Variants in RIMS2 observed in about 807,000 individuals in gnomAD.
RIMS2 encodes the protein regulating synaptic membrane exocytosis 2, also known as regulating synaptic membrane exocytosis protein 2.
In RIMS2, 59 loss-of-function variants were observed where a neutral mutation model predicts 174.4. The ratio of observed to expected loss-of-function variants is 0.34; its 90% CI spans 0.27 to 0.42. The LOEUF is 0.42. Among genes scored for constraint, RIMS2 ranks in the 10% least tolerant of loss-of-function variants. The pLI is 1.00. For synonymous variants in RIMS2, 606 were observed against 572.5 expected, an observed-to-expected ratio of 1.06 and a Z score of -0.84; for missense variants, 1,620 against 1,666.3, an observed-to-expected ratio of 0.97 and a Z score of 0.48.
chr8:103,747,508 A>C (rs761601755), intron 2 of RIMS2, among the ~76,000 whole-genome samples: 10 of 152,102 alleles, frequency 6.6e-5, no homozygotes, highest in Non-Finnish European at 1.2e-4. Context: ...TTGTTGAGAT[A>C]CATTAGTGGA....
rs547007373 is a variant in RIMS2 at position 104,061,744 on chromosome 8, A to C, written c.3334+47129A>C. Among the ~76,000 whole-genome samples the C allele has an allele frequency of 3.3e-5, 5 of 151,938 alleles. No homozygotes were observed. The South Asian group carries it at 1.0e-3, about 32-fold the overall frequency. On this transcript the variant is annotated intron_variant, in intron 19 of 23. Transcript: ENST00000504942. ...TTATAGTATATGAACACATATGTACAACATCCTCATCATTTTTTATGGATG... is the reference window on the plus strand; with the variant it reads ...TTATAGTATATGAACACATATGTACCACATCCTCATCATTTTTTATGGATG...
intron 20 of RIMS2, among the ~76,000 whole-genome samples, chr8:104,247,108 G>A (rs973672185): frequency 2.0e-5 from 3 of 152,148 alleles, no homozygotes; most frequent in African/African-American, 4.8e-5. Context: ...TGTAGCATTA[G>A]TGAGGTCAGA....
chr8:104,013,636 A>G lies in RIMS2; in HGVS notation c.3224+15A>G. On this transcript the variant is annotated intron_variant, in intron 18 of 23. Coordinates refer to ENST00000504942, the Ensembl canonical transcript of RIMS2. ...GCCTTATCGAGGTGAAAGATAAATC[A>G]ATCAGACTAATTTCCCCTTTGCCCC... is the stretch of plus-strand genomic sequence containing the variant. 1 of 1,609,106 alleles carries G rather than the reference A, an allele frequency of 6.2e-7. No individual in the cohort carries two copies. The highest frequency in any genetic ancestry group is 8.5e-7 in the Non-Finnish European group (1 of 1,176,088).
At chr8:104,227,468 A>T (rs2099195609) in intron 19 of RIMS2, among the ~76,000 whole-genome samples, 1 of 152,144 alleles carries the variant, frequency 6.6e-6, no homozygotes, top group African/African-American at 2.4e-5. Context: ...GTTTTCAAAC[A>T]TTAGAGACAA....
chr8:103,853,078 T>G (rs2099008154), intron 3 of RIMS2, among the ~76,000 whole-genome samples: 1 of 151,854 alleles, frequency 6.6e-6, no homozygotes, highest in Admixed American at 6.6e-5. Context: ...CTGGGGTTTT[T>G]TTTGTTTGTT....
chr8:103,979,825 C>A (rs755897596), intron 16 of RIMS2, among the ~76,000 whole-genome samples: 8 of 152,106 alleles, frequency 5.3e-5, no homozygotes, highest in African/African-American at 7.2e-5. Context: ...TCAGTGTTGC[C>A]CTGTCATGGC....
intron 3 of RIMS2, among the ~76,000 whole-genome samples, chr8:103,807,401 A>G (rs974999936): frequency 2.0e-5 from 3 of 152,178 alleles, no homozygotes; most frequent in Non-Finnish European, 4.4e-5. Context: ...ATCTCAATAG[A>G]ACATTAGTGC....
At chr8:104,073,648 T>A (rs1179890084) in intron 19 of RIMS2, among the ~76,000 whole-genome samples, 1 of 152,208 alleles carries the variant, frequency 6.6e-6, no homozygotes, top group African/African-American at 2.4e-5. Context: ...TATGATAATC[T>A]ATTTAACCCA....
chr8:104,016,233 G>A (rs2095899667), intron 19 of RIMS2, among the ~76,000 whole-genome samples: 1 of 151,946 alleles, frequency 6.6e-6, no homozygotes. Flanking sequence ...ATGAATTCAT[G>A]AAATATTTAT....
chr8:103,611,258 G>C (rs2134196828), intron 1 of RIMS2, among the ~76,000 whole-genome samples: 1 of 151,914 alleles, frequency 6.6e-6, no homozygotes, highest in East Asian at 1.9e-4. Context: ...TTCTCTTTAT[G>C]TCTTATTATA....
At position 104,236,229 on chromosome 8, in the gene RIMS2, A is replaced by T. The variant is rs758934065; in HGVS notation, c.3335-8687A>T. 2.6e-5 allele frequency among the ~76,000 whole-genome samples: 4 copies of T among 152,034 alleles called. No homozygotes were observed. In the East Asian group the frequency reaches 7.7e-4, roughly 29 times the overall value. On this transcript the variant is annotated intron_variant, in intron 19 of 23. Transcript: ENST00000504942. ...AAGATTTCTTACTCCTAGGCATGCTACATTTCATCACTTGGTTAAGAGGTG... is the reference window on the plus strand; with the variant it reads ...AAGATTTCTTACTCCTAGGCATGCTTCATTTCATCACTTGGTTAAGAGGTG...
rs1453282399 is a variant in RIMS2 at position 103,508,411 on chromosome 8, TCTTAAAA to T, written c.176+7352_176+7358del. ...GGGCAGATTGTTCTCTAAGCAAAAA[TCTTAAAA>T]CTCCCAATTCCTCTTTGCCCCCAAA... On this transcript the variant is annotated intron_variant, in intron 1 of 23. Coordinates refer to ENST00000504942, the Ensembl canonical transcript of RIMS2. Among the ~76,000 whole-genome samples, 6 of 146,866 alleles carry T rather than the reference TCTTAAAA, an allele frequency of 4.1e-5. No individual in the cohort carries two copies. The Admixed American group carries it at 4.1e-4, about 10-fold the overall frequency.
At chr8:103,860,310 C>A (rs766452436) in intron 3 of RIMS2, among the ~76,000 whole-genome samples, 15 of 152,118 alleles carry the variant, frequency 9.9e-5, no homozygotes, top group Non-Finnish European at 2.1e-4. Flanking sequence ...AGTGGTTCAT[C>A]TTTTACTTAA....
chr8:103,930,447 G>A (rs768747490), intron 11 of RIMS2, among the ~76,000 whole-genome samples: 1 of 152,086 alleles, frequency 6.6e-6, no homozygotes, highest in South Asian at 2.1e-4. Flanking sequence ...ATGGATCAGA[G>A]CCGTAATTAT....
At chr8:104,055,541 C>T (rs891976973) in intron 19 of RIMS2, among the ~76,000 whole-genome samples, 6 of 152,084 alleles carry the variant, frequency 3.9e-5, no homozygotes, top group African/African-American at 1.4e-4. Flanking sequence ...TTCTTAGAAG[C>T]AATTTCAATA....
intron 2 of RIMS2, among the ~76,000 whole-genome samples, chr8:103,754,542 C>T (rs1051089830): frequency 2.0e-5 from 3 of 152,022 alleles, no homozygotes; most frequent in African/African-American, 7.3e-5. Context: ...TAAAGTGTCC[C>T]ATTATTATTG....
intron 2 of RIMS2, among the ~76,000 whole-genome samples, chr8:103,752,958 C>T (rs2097914431): frequency 6.6e-6 from 1 of 151,968 alleles, no homozygotes; most frequent in African/African-American, 2.4e-5. Context: ...CTGGCCAGAA[C>T]TTCCAACACT....
intron 4 of RIMS2, among the ~76,000 whole-genome samples, chr8:103,898,152 A>G (rs1190544440): frequency 2.0e-5 from 3 of 151,694 alleles, no homozygotes; most frequent in African/African-American, 7.3e-5. Flanking sequence ...GAATCTTTGT[A>G]GGATTTACCT....
At chr8:103,608,066 G>A (rs1372966880) in intron 1 of RIMS2, among the ~76,000 whole-genome samples, 2 of 149,754 alleles carry the variant, frequency 1.3e-5, no homozygotes, top group South Asian at 2.1e-4. Context: ...CTTTGGAGGA[G>A]GAGAGGCGCT....
Sources: allele counts gnomAD v4.1 joint callset (sites outside exome capture counted in the v4.1 genomes callset), GRCh38; gene constraint gnomAD v4.1.1; transcripts MANE v1.5; gene names NCBI Gene and HGNC (gene_info 2026-07-23, HGNC 2026-07-21).